EBF2: variants seen among roughly 807,000 people sequenced by gnomAD.
EBF2 encodes EBF transcription factor 2, also known as transcription factor COE2.
A neutral mutation model predicts 72.8 loss-of-function variants in EBF2; 21 were observed. The observed-to-expected ratio is 0.29, with a 90% CI of 0.20 to 0.42. EBF2 has a LOEUF of 0.42. Among genes scored for constraint, EBF2 ranks in the 10% least tolerant of loss-of-function variants. The pLI, the probability that EBF2 is intolerant of heterozygous loss-of-function variation, is 1.00. For synonymous variants in EBF2, 299 were observed against 274.2 expected, an observed-to-expected ratio of 1.09 and a Z score of -0.89; for missense variants, 637 against 731.2, an observed-to-expected ratio of 0.87 and a Z score of 1.49.
chr8:25,973,851 T>C (rs915066938), intron 6 of EBF2, among the ~76,000 whole-genome samples: 1 of 152,070 alleles, frequency 6.6e-6, no homozygotes, highest in African/African-American at 2.4e-5. Context: ...AATTTTTGTA[T>C]TATTTATAAA....
At chr8:25,957,043 G>A (rs1803960655) in intron 6 of EBF2, among the ~76,000 whole-genome samples, 1 of 152,154 alleles carries the variant, frequency 6.6e-6, no homozygotes, top group African/African-American at 2.4e-5. Context: ...TTATTGCTGT[G>A]CCTTACATTG....
intron 10 of EBF2, among the ~76,000 whole-genome samples, chr8:25,863,842 G>A (rs1802254506): frequency 6.6e-6 from 1 of 152,048 alleles, no homozygotes; most frequent in Non-Finnish European, 1.5e-5. Context: ...TTTCCAGATT[G>A]AAACCTATAC....
intron 8 of EBF2, among the ~76,000 whole-genome samples, chr8:25,889,436 G>C (rs1802742315): frequency 6.6e-6 from 1 of 152,032 alleles, no homozygotes. Context: ...ATACATGTCT[G>C]GCACTGCAAT....
rs1805127032 is a variant in EBF2, at chr8:26,017,286, G to A, written c.551+15799C>T. ...AAATACCCAAAAGACCCCAGAAGTTGTGTTGCTCTGTGACTAGATGGTAAG... is the reference window on the plus strand; with the variant it reads ...AAATACCCAAAAGACCCCAGAAGTTATGTTGCTCTGTGACTAGATGGTAAG... On this transcript the variant is annotated intron_variant, in intron 6 of 15. Transcript: ENST00000520164. Among the ~76,000 whole-genome samples, 4 of 152,152 alleles carry A rather than the reference G, an allele frequency of 2.6e-5. No individual in the cohort carries two copies. In the South Asian group the frequency reaches 8.3e-4, roughly 32 times the overall value.
chr8:25,860,489 T>TTTC (rs1802193086), intron 13 of EBF2, among the ~76,000 whole-genome samples: 1 of 140,040 alleles, frequency 7.1e-6, no homozygotes, highest in African/African-American at 2.5e-5. Context: ...ACCCAATCCT[T>TTTC]TTTTTTTTTT....
chr8:25,900,863 T>C (rs1226747551), intron 7 of EBF2, among the ~76,000 whole-genome samples: 1 of 152,114 alleles, frequency 6.6e-6, no homozygotes, highest in Non-Finnish European at 1.5e-5. Flanking sequence ...GGTTGGTTAA[T>C]GGGTACAAAC....
At chr8:26,030,322 C>A (rs969537456) in intron 6 of EBF2, among the ~76,000 whole-genome samples, 1 of 151,562 alleles carries the variant, frequency 6.6e-6, no homozygotes, top group Non-Finnish European at 1.5e-5. Flanking sequence ...TTTGTCCTTG[C>A]GAAAGTTTGC....
chr8:25,885,823 A>T (rs991949137), intron 10 of EBF2, among the ~76,000 whole-genome samples: 1 of 152,180 alleles, frequency 6.6e-6, no homozygotes, highest in Non-Finnish European at 1.5e-5. Context: ...TTTCTTTAAA[A>T]ATTACCCAGT....
At position 26,044,770 on chromosome 8, in the gene EBF2, G is replaced by A; in HGVS notation, c.90C>T (p.Val30=). 1 of 1,614,134 alleles carries A rather than the reference G, an allele frequency of 6.2e-7. No homozygotes were observed. Among genetic ancestry groups the A allele is most frequent in the Non-Finnish European group, 8.5e-7 (1 of 1,180,028 alleles). The part of the protein sequence containing the change: ...GAEMDSVRSW[V]RNVGVVDANV... ...TAGCGTCCACCACTCCGACATTCCG[G>A]ACCCAGGACCTGACCGAATCCATCT... The change falls in exon 1 of 16, where the codon GTC becomes GTT. Residue 30 remains valine, a synonymous_variant. Transcript: ENST00000520164. The surrounding 1 kb of genome is among the most constrained non-coding windows in gnomAD (Gnocchi z 4.1).
intron 14 of EBF2, among the ~76,000 whole-genome samples, chr8:25,852,869 AGG>A (rs1802011155): frequency 1.3e-5 from 2 of 152,264 alleles, no homozygotes; most frequent in African/African-American, 4.8e-5. Flanking sequence ...CGTAAGAGAC[AGG>A]AAGTTTTGTT....
intron 6 of EBF2, among the ~76,000 whole-genome samples, chr8:25,954,698 G>A (rs1172977190): frequency 1.3e-5 from 2 of 151,766 alleles, no homozygotes; most frequent in Non-Finnish European, 2.9e-5. Context: ...CACCGCCCCC[G>A]CCCCTTCCCC....
In EBF2 at chr8:26,044,537, C is replaced by G. The variant is rs1484738311; in HGVS notation, c.131+192G>C. Among the ~76,000 whole-genome samples, 1 of 152,204 alleles carries G rather than the reference C, an allele frequency of 6.6e-6. No individual in the cohort carries two copies. Among genetic ancestry groups the G allele is most frequent in the African/African-American group, 2.4e-5 (1 of 41,452 alleles). ...CCAGGCAGTTCAGGAACTCGAGTGC[C>G]GGCTGCCGGGTGAGCGTTCGCCTGA... On this transcript the variant is annotated intron_variant, in intron 1 of 15. Coordinates refer to ENST00000520164, the MANE Select transcript of EBF2 (RefSeq NM_022659.4). The surrounding 1 kb of genome is among the most constrained non-coding windows in gnomAD (Gnocchi z 4.1).
chr8:26,031,930 T>G (rs7821832), intron 6 of EBF2: 48,917 of 152,020 alleles, frequency 0.32, 8,532 homozygotes, highest in African/African-American at 0.45. Flanking sequence ...CCCCAATAGC[T>G]CCCTAAAACG....
chr8:25,895,047 A>G (rs1002748638), intron 7 of EBF2, among the ~76,000 whole-genome samples: 6 of 152,224 alleles, frequency 3.9e-5, no homozygotes, highest in African/African-American at 1.2e-4. Context: ...AAGAATGCCA[A>G]TTAGGAATAC....
At chr8:25,910,068 G>GCGTGGCTGT (rs1332063111) in intron 6 of EBF2, among the ~76,000 whole-genome samples, 1 of 152,148 alleles carries the variant, frequency 6.6e-6, no homozygotes, top group Admixed American at 6.6e-5. Flanking sequence ...AAAATGTTGT[G>GCGTGGCTGT]CGTGGCTGTC....
intron 6 of EBF2, among the ~76,000 whole-genome samples, chr8:25,934,582 G>T (rs903072309): frequency 6.6e-6 from 1 of 152,144 alleles, no homozygotes; most frequent in African/African-American, 2.4e-5. Context: ...CACAAGTCGA[G>T]TTTACTGCTA....
chr8:25,868,208 G>C (rs1017252989), intron 10 of EBF2, among the ~76,000 whole-genome samples: 1 of 152,182 alleles, frequency 6.6e-6, no homozygotes, highest in African/African-American at 2.4e-5. Context: ...GTACTAAACT[G>C]TTAATTGCTT....
At chr8:26,005,587 G>T (rs1585224434) in intron 6 of EBF2, among the ~76,000 whole-genome samples, 2 of 78,744 alleles carry the variant, frequency 2.5e-5, no homozygotes, top group African/African-American at 5.2e-5. Context: ...GAGGTATTTT[G>T]GGAACTAAGG....
chr8:25,923,793 T>G (rs1418075462), intron 6 of EBF2, among the ~76,000 whole-genome samples: 1 of 152,234 alleles, frequency 6.6e-6, no homozygotes, highest in Non-Finnish European at 1.5e-5. Context: ...GAATATTTTC[T>G]AACCCAAGAC....
Sources: gnomAD v4.1 joint callset for allele counts (sites outside exome capture counted in the v4.1 genomes callset) on GRCh38, gnomAD v4.1.1 for gene constraint, Gnocchi (gnomAD v3.1) non-coding constraint, MANE v1.5 for transcripts, NCBI Gene and HGNC (gene_info 2026-07-23, HGNC 2026-07-21) for gene names.